SNRNP200: variants seen among roughly 807,000 people sequenced by gnomAD.
The protein encoded by SNRNP200 is small nuclear ribonucleoprotein U5 subunit 200.
Under a neutral mutation model 255.2 loss-of-function variants are expected in SNRNP200, and 66 were observed. The ratio of observed to expected loss-of-function variants is 0.26; its 90% confidence interval spans 0.21 to 0.32. The LOEUF is 0.32. Among genes scored for constraint, SNRNP200 ranks in the 10% least tolerant of loss-of-function variants. SNRNP200 has a pLI of 1.00. For synonymous variants in SNRNP200, 939 were observed against 1,027.8 expected (o/e 0.91, Z 1.65); for missense variants, 1,585 against 2,749.8 (o/e 0.58, Z 9.47).
At chr2:96,295,750 A>G in intron 13 of SNRNP200, 92 bp from the exon 14 acceptor site, 1 of 1,341,570 alleles carries the variant, frequency 7.5e-7, no homozygotes, top group Non-Finnish European at 1.0e-6. Context: ...GGGCATTGGG[A>G]GCAGGTATCA....
intron 11 of SNRNP200, 44 bp from the exon 12 acceptor site, chr2:96,297,114 T>C (rs2063921949): frequency 1.9e-6 from 3 of 1,613,850 alleles, no homozygotes; most frequent in African/African-American, 1.3e-5. Flanking sequence ...GGCAGCATCC[T>C]TGAGCAAAAC....
rs1259944697 is a variant in SNRNP200, at chr2:96,296,982, T to C, written c.1466A>G (p.Tyr489Cys). 10 of 1,614,090 alleles carry C rather than the reference T, an allele frequency of 6.2e-6. No individual in the cohort carries two copies. In the Admixed American group the frequency reaches 8.3e-5, roughly 13 times the overall value. The change falls in exon 12 of 45, where the codon TAC (tyrosine) becomes TGC (cysteine). Residue 489 changes from tyrosine to cysteine, a missense_variant. Tyr to Cys is a radical substitution (Grantham distance 194, BLOSUM62 -2). This residue lies in a region of SNRNP200 where 383 missense variants were observed against 645.3 expected (regional missense o/e 0.59). Transcript: ENST00000323853. ...KTLNRIQSKL[Y>C]RAALETDENL... ...CTCATCCGTCTCAAGGGCAGCACGG[T>C]AGAGCTTACTCTGGATCCGATTCAG... is the stretch of plus-strand genomic sequence containing the variant.
intron 3 of SNRNP200, among the ~76,000 whole-genome samples, chr2:96,302,004 G>T (rs940149997): frequency 1.3e-5 from 2 of 152,164 alleles, no homozygotes; most frequent in Admixed American, 6.5e-5. Context: ...CCACACTTTT[G>T]TAATTCTTTG....
chr2:96,298,547 G>A (rs1222512016), intron 8 of SNRNP200, 56 bp downstream of exon 8: 6 of 1,598,382 alleles, frequency 3.8e-6, no homozygotes, highest in Non-Finnish European at 5.1e-6. Context: ...GAATCTCTAT[G>A]TCACACATGC....
At chr2:96,292,308 G>C (rs1187517322) in intron 16 of SNRNP200, among the ~76,000 whole-genome samples, 1 of 152,220 alleles carries the variant, frequency 6.6e-6, no homozygotes. Context: ...TCTGAGACTA[G>C]TACACTGTTG....
chr2:96,284,255 G>T, intron 31 of SNRNP200, 103 bp downstream of exon 31: 1 of 1,040,356 alleles, frequency 9.6e-7, no homozygotes. Flanking sequence ...ATCCTCTGGG[G>T]AGAAGCCCCG....
rs1489743876 is a variant in SNRNP200 at position 96,291,701 on chromosome 2, G to A, written c.2310+50C>T. On this transcript the variant is annotated intron_variant, in intron 17 of 44. Transcript: ENST00000323853. This position sits in a 1 kb window ranked among gnomAD's most constrained non-coding sequence, Gnocchi z 4.2. Reference sequence around the variant, plus strand: ...AGAGGAGCTGTCTGGGGCCTGAGATGGACACAGCTGCCAGGTAGGAATGAG... The same window carrying A: ...AGAGGAGCTGTCTGGGGCCTGAGATAGACACAGCTGCCAGGTAGGAATGAG... 2 of 1,606,376 alleles carry A rather than the reference G, an allele frequency of 1.2e-6. No homozygotes were observed. Among genetic ancestry groups the A allele is most frequent in the Non-Finnish European group, 1.7e-6 (2 of 1,174,364 alleles).
chr2:96,298,763 C>T, intron 7 of SNRNP200, 52 bp downstream of exon 7: 1 of 1,613,780 alleles, frequency 6.2e-7, no homozygotes, highest in Non-Finnish European at 8.5e-7. Flanking sequence ...CATACGCTGT[C>T]CCCATGTGCT....
intron 34 of SNRNP200, chr2:96,282,839 C>T (rs922479181): frequency 1.1e-5 from 4 of 353,610 alleles, no homozygotes; most frequent in African/African-American, 8.4e-5. Context: ...TATAAATGAC[C>T]CAGTATCAGG....
Position 96,283,040 on chromosome 2 carries a change from G to C in SNRNP200, c.4915+161C>G, listed in dbSNP as rs2063814361. ...GTGTTTGTCTCACCTGCCTCACGAG[G>C]TTCTTGGGAGGATCAAATGAGTTAA... On this transcript the variant is annotated intron_variant, in intron 34 of 44. Transcript: ENST00000323853. This position sits in a 1 kb window ranked among gnomAD's most constrained non-coding sequence, Gnocchi z 4.7. 1 of 908,484 alleles carries C rather than the reference G, an allele frequency of 1.1e-6. No homozygotes were observed. Among genetic ancestry groups the C allele is most frequent in the Admixed American group, 1.9e-5 (1 of 51,718 alleles). The allele number at this position is 908,484 out of a possible 1,614,324, so 56.3% of individuals were successfully genotyped here. A position where few individuals can be genotyped will look rare whatever the true frequency, so the allele number is the denominator to read the frequency against.
Position 96,277,395 on chromosome 2 carries a change from C to T in SNRNP200, c.5931+144G>A. 2 of 1,282,740 alleles carry T rather than the reference C, an allele frequency of 1.6e-6. No homozygotes were observed. Among genetic ancestry groups the T allele is most frequent in the Non-Finnish European group, 2.2e-6 (2 of 891,128 alleles). 79.5% of individuals were successfully genotyped at this position (1,282,740 alleles called of 1,614,324 possible). ...ACACAGCCCACAGTTGGCAGGCTCT[C>T]TAGCATCTCAACAGGGAGCACCTTC... On this transcript the variant is annotated intron_variant, in intron 41 of 44. Transcript: ENST00000323853. This position sits in a 1 kb window ranked among gnomAD's most constrained non-coding sequence, Gnocchi z 4.4.
intron 23 of SNRNP200, 62 bp from the exon 24 acceptor site, chr2:96,288,808 T>G: frequency 1.4e-6 from 2 of 1,422,554 alleles, no homozygotes; most frequent in Non-Finnish European, 2.0e-6. Flanking sequence ...GAAAGGGAAT[T>G]ACATTTCTGC....
chr2:96,296,731 G>A, intron 12 of SNRNP200, 40 bp from the exon 13 acceptor site: 1 of 1,610,860 alleles, frequency 6.2e-7, no homozygotes, highest in Non-Finnish European at 8.5e-7. Context: ...TATTCACCTG[G>A]TTATTCTCAC....
chr2:96,281,663 A>G, intron 35 of SNRNP200, 151 bp downstream of exon 35: 1 of 697,214 alleles, frequency 1.4e-6, no homozygotes, highest in African/African-American at 1.7e-5. Context: ...ATTGAGACAC[A>G]AAACTCTCAA....
chr2:96,284,441 G>T lies in SNRNP200; in HGVS notation c.4309C>A (p.Arg1437=), dbSNP rs1467011728. The T allele has an allele frequency of 6.2e-7, 1 of 1,614,020 alleles. No individual in the cohort carries two copies. The highest frequency in any genetic ancestry group is 1.3e-5 in the African/African-American group (1 of 74,906). ...STPEKWDILS[R]RWKQRKNVQN... is the part of the protein sequence containing the mutation. The stretch of plus-strand genomic sequence containing the variant: ...ACGTTCTTGCGCTGCTTCCATCGCC[G>T]GGAAAGTATGTCCCACTTCTCAGGG... The change falls in exon 31 of 45, where the codon CGG becomes AGG. Residue 1437 remains arginine, a synonymous_variant. Transcript: ENST00000323853.
Position 96,274,666 on chromosome 2 carries a change from CT to C in SNRNP200, c.*345del, listed in dbSNP as rs942345038. ...GTTCCTGGCTAAAAAATAACCAGAT[CT>C]TTTTGGCCGTGCCCTCAGGTTGGAG... is the stretch of plus-strand genomic sequence containing the variant. On this transcript the variant is annotated 3_prime_UTR_variant, in exon 45 of 45. Coordinates refer to ENST00000323853, the MANE Select transcript of SNRNP200 (RefSeq NM_014014.5). 15 of 362,234 alleles carry C rather than the reference CT, an allele frequency of 4.1e-5. 1 individual carries two copies. The highest frequency in any genetic ancestry group is 3.2e-4 in the Admixed American group (8 of 24,884). 22.4% of individuals were successfully genotyped at this position (362,234 alleles called of 1,614,324 possible).
chr2:96,302,203 C>T (rs903026807), intron 3 of SNRNP200, among the ~76,000 whole-genome samples: 2 of 152,228 alleles, frequency 1.3e-5, no homozygotes, highest in African/African-American at 4.8e-5. Flanking sequence ...CCTCACATCT[C>T]TCTTCTATAA....
chr2:96,278,525 C>T lies in SNRNP200; in HGVS notation c.5488+22G>A, dbSNP rs779353426. 2 of 1,613,508 alleles carry T rather than the reference C, an allele frequency of 1.2e-6. No individual in the cohort carries two copies. The highest frequency in any genetic ancestry group is 2.2e-5 in the South Asian group (2 of 91,076). The stretch of plus-strand genomic sequence containing the variant: ...TGTAAAAAGGCTCCCACAGACAGGA[C>T]ACGGGCCATGCCGGGCCTCACCAAT... On this transcript the variant is annotated intron_variant, in intron 38 of 44. Transcript: ENST00000323853. The surrounding 1 kb of genome is among the most constrained non-coding windows in gnomAD (Gnocchi z 6.9).
At chr2:96,304,958 GTAAC>G in intron 1 of SNRNP200, 90 bp from the exon 2 acceptor site, 1 of 1,399,984 alleles carries the variant, frequency 7.1e-7, no homozygotes, top group East Asian at 2.5e-5. Context: ...AAAAATCGTA[GTAAC>G]TAGTTGCTTA....
Sources: allele counts gnomAD v4.1 joint callset (sites outside exome capture counted in the v4.1 genomes callset), GRCh38; gene constraint gnomAD v4.1.1; regional missense constraint gnomAD v4.1.1; non-coding constraint Gnocchi (gnomAD v3.1); transcripts MANE v1.5; gene names NCBI Gene and HGNC (gene_info 2026-07-23, HGNC 2026-07-21).